The following MYO9A variants were observed in gnomAD, a reference collection of about 807,000 sequenced individuals.
MYO9A encodes myosin IXA.
MYO9A carries 103 observed loss-of-function variants against 293.3 expected under a neutral mutation model. The ratio of observed to expected loss-of-function variants is 0.35; its 90% CI spans 0.30 to 0.41. The LOEUF (loss-of-function observed/expected upper bound fraction) is 0.41. MYO9A is among the 10% of genes least tolerant of loss of function. MYO9A has a pLI of 1.00. For missense variants in MYO9A, 2,685 were observed against 3,033.0 expected (o/e 0.89, Z 2.69); for synonymous variants, 1,001 against 1,035.7 (o/e 0.97, Z 0.64).
chr15:71,982,568 C>T (rs1317836806), intron 11 of MYO9A, among the ~76,000 whole-genome samples: 1 of 152,084 alleles, frequency 6.6e-6, no homozygotes. Flanking sequence ...ATTTTTAAAT[C>T]TTCTATATCC....
chr15:72,102,780 C>A (rs986875666), intron 1 of MYO9A, among the ~76,000 whole-genome samples: 1 of 151,662 alleles, frequency 6.6e-6, no homozygotes, highest in Non-Finnish European at 1.5e-5. Flanking sequence ...AGATGAGAAA[C>A]AAGACAAAGA....
At chr15:71,881,991 T>C (rs955804504) in intron 28 of MYO9A, among the ~76,000 whole-genome samples, 2 of 152,190 alleles carry the variant, frequency 1.3e-5, no homozygotes, top group African/African-American at 4.8e-5. Context: ...TCTCAACTGA[T>C]AGAAGCAAAG....
At chr15:71,943,097 G>C (rs2058820888) in intron 15 of MYO9A, among the ~76,000 whole-genome samples, 1 of 151,942 alleles carries the variant, frequency 6.6e-6, no homozygotes. Flanking sequence ...ACTGGTGAGT[G>C]TAAACCATTT....
chr15:72,011,251 G>C (rs562842792), intron 6 of MYO9A, among the ~76,000 whole-genome samples: 2 of 151,944 alleles, frequency 1.3e-5, no homozygotes, highest in East Asian at 3.9e-4. Context: ...GACTCAAGCA[G>C]TCCACCCACC....
At chr15:72,106,650 G>A (rs1000908127) in intron 1 of MYO9A, among the ~76,000 whole-genome samples, 2 of 151,592 alleles carry the variant, frequency 1.3e-5, no homozygotes, top group African/African-American at 4.9e-5. Context: ...ACCCAGGTTG[G>A]AGTGCAGCAG....
At chr15:72,028,574 G>A (rs1478626441) in intron 3 of MYO9A, among the ~76,000 whole-genome samples, 2 of 151,478 alleles carry the variant, frequency 1.3e-5, no homozygotes, top group African/African-American at 4.9e-5. Flanking sequence ...TTGAACCCGG[G>A]AGGCAGAGGC....
At chr15:71,970,092 T>C (rs562309597) in intron 12 of MYO9A, among the ~76,000 whole-genome samples, 17 of 152,286 alleles carry the variant, frequency 1.1e-4, no homozygotes, top group Non-Finnish European at 2.5e-4. Context: ...CTAACTTCGG[T>C]TGTTAAAATG....
intron 1 of MYO9A, among the ~76,000 whole-genome samples, chr15:72,097,299 C>A (rs2080094843): frequency 6.6e-6 from 1 of 152,222 alleles, no homozygotes; most frequent in Non-Finnish European, 1.5e-5. Flanking sequence ...CCTGATTAGT[C>A]TGCAGCCACC....
Position 71,897,951 on chromosome 15 carries a change from G to A in MYO9A, c.4552C>T (p.Gln1518Ter). ...NEKEMMEQIR[Q>*]QTDILEKERK... is the part of the protein sequence containing the mutation. Reference sequence around the variant, plus strand: ...TCCTTCTCTAAAATATCTGTTTGCTGGCGAATCTGTTCCATCATCTCTTTT... The same window carrying A: ...TCCTTCTCTAAAATATCTGTTTGCTAGCGAATCTGTTCCATCATCTCTTTT... The change falls in exon 25 of 42, where the codon CAG (glutamine) becomes TAG (stop). Residue 1518 changes from glutamine to a stop codon, truncating the protein, a stop_gained. Transcript: ENST00000356056. LOFTEE classifies it high-confidence loss of function. 6.2e-7 allele frequency: 1 copy of A among 1,614,124 alleles called. No homozygotes were observed. Among genetic ancestry groups the A allele is most frequent in the Non-Finnish European group, 8.5e-7 (1 of 1,180,040 alleles).
chr15:71,992,895 C>T (rs1194671866), intron 10 of MYO9A, among the ~76,000 whole-genome samples: 1 of 151,410 alleles, frequency 6.6e-6, no homozygotes, highest in African/African-American at 2.4e-5. Flanking sequence ...AAATGCAAAA[C>T]TAAAAACAAG....
At chr15:72,038,271 A>G (rs568124560) in intron 2 of MYO9A, among the ~76,000 whole-genome samples, 1 of 152,248 alleles carries the variant, frequency 6.6e-6, no homozygotes, top group East Asian at 1.9e-4. Flanking sequence ...ACGAAAGACC[A>G]TGTTCTGGGC....
intron 1 of MYO9A, among the ~76,000 whole-genome samples, chr15:72,069,760 C>A (rs909012464): frequency 1.3e-5 from 2 of 151,518 alleles, no homozygotes; most frequent in African/African-American, 4.9e-5. Flanking sequence ...CCTTCATTTT[C>A]TTTCAGAATA....
At chr15:71,884,596 T>C (rs942884309) in intron 27 of MYO9A, among the ~76,000 whole-genome samples, 1 of 152,178 alleles carries the variant, frequency 6.6e-6, no homozygotes, top group African/African-American at 2.4e-5. Context: ...TATTATATTG[T>C]ATTGCCTCTT....
intron 11 of MYO9A, among the ~76,000 whole-genome samples, chr15:71,988,586 A>AAAAG (rs1423110783): frequency 4.6e-5 from 7 of 152,012 alleles, no homozygotes; most frequent in Non-Finnish European, 1.0e-4. Context: ...ATGTCCTTTA[A>AAAAG]GCAAAATAGA....
At chr15:71,965,104 ATAT>A (rs1305696260) in intron 13 of MYO9A, among the ~76,000 whole-genome samples, 11 of 151,752 alleles carry the variant, frequency 7.2e-5, no homozygotes, top group East Asian at 3.9e-4. Context: ...TCAGTATAAA[ATAT>A]TATAATTTTA....
chr15:71,902,842 G>T, intron 22 of MYO9A, 99 bp downstream of exon 22: 1 of 967,284 alleles, frequency 1.0e-6, no homozygotes, highest in Non-Finnish European at 1.4e-6. Flanking sequence ...TCTGATATCT[G>T]ATTCACTATC....
intron 1 of MYO9A, among the ~76,000 whole-genome samples, chr15:72,109,935 A>T (rs1364665659): frequency 6.6e-6 from 1 of 151,644 alleles, no homozygotes; most frequent in Non-Finnish European, 1.5e-5. Context: ...AAAAAATCTA[A>T]AAATCGTTTA....
chr15:71,837,398 A>G (rs1242179415), intron 39 of MYO9A, among the ~76,000 whole-genome samples: 1 of 152,148 alleles, frequency 6.6e-6, no homozygotes, highest in Admixed American at 6.5e-5. Context: ...ATGACAAAGT[A>G]TTCTTTATGT....
intron 21 of MYO9A, among the ~76,000 whole-genome samples, chr15:71,903,561 C>A (rs1251325090): frequency 2.0e-5 from 3 of 152,174 alleles, no homozygotes; most frequent in African/African-American, 7.2e-5. Context: ...GAAAGAAAAT[C>A]CTGCTGAGAA....
Sources: gnomAD v4.1 joint callset for allele counts (sites outside exome capture counted in the v4.1 genomes callset) on GRCh38, gnomAD v4.1.1 for gene constraint, MANE v1.5 for transcripts, NCBI Gene and HGNC (gene_info 2026-07-23, HGNC 2026-07-21) for gene names.